Variants in LRRTM4 observed in about 807,000 individuals in gnomAD.
LRRTM4 encodes leucine-rich repeat transmembrane neuronal protein 4.
A neutral mutation model predicts 47.6 loss-of-function variants in LRRTM4; 25 were observed. That is an observed-to-expected ratio of 0.53 (90% CI 0.38 to 0.73). The LOEUF (loss-of-function observed/expected upper bound fraction) is 0.73, where lower values mean the gene tolerates loss of function less well. Ranked by LOEUF, LRRTM4 falls within the 30% of genes least tolerant of loss-of-function variation. LRRTM4 has a pLI of 0.00. For missense variants in LRRTM4, 638 were observed against 713.4 expected (o/e 0.89, Z 1.20); for synonymous variants, 311 against 269.5 (o/e 1.15, Z -1.51).
At chr2:76,810,628 C>A (rs1206978560) in intron 3 of LRRTM4, among the ~76,000 whole-genome samples, 1 of 152,152 alleles carries the variant, frequency 6.6e-6, no homozygotes, top group Non-Finnish European at 1.5e-5. Context: ...GTCTTAAAAT[C>A]TATAGAAATT....
chr2:77,309,528 T>G (rs955776308), intron 3 of LRRTM4, among the ~76,000 whole-genome samples: 1 of 152,096 alleles, frequency 6.6e-6, no homozygotes, highest in African/African-American at 2.4e-5. Flanking sequence ...CCAAGACCCT[T>G]TGGCTGAGAA....
chr2:76,989,799 CTTCT>C (rs900570233), intron 3 of LRRTM4: 4 of 151,756 alleles, frequency 2.6e-5, no homozygotes, highest in African/African-American at 9.7e-5. Context: ...TGTTTCTAAA[CTTCT>C]TTTTTTCCAT....
chr2:77,467,031 A>G (rs1221679432), intron 3 of LRRTM4, among the ~76,000 whole-genome samples: 3 of 152,170 alleles, frequency 2.0e-5, no homozygotes, highest in South Asian at 4.1e-4. Context: ...TCTGTTTGAT[A>G]AACTCAGTAT....
chr2:77,294,214 G>A (rs1676907934), intron 3 of LRRTM4, among the ~76,000 whole-genome samples: 1 of 151,874 alleles, frequency 6.6e-6, no homozygotes, highest in Admixed American at 6.6e-5. Flanking sequence ...CAGTATATTT[G>A]GAATAATATA....
chr2:76,793,868 CAA>C (rs1675112713), intron 3 of LRRTM4, among the ~76,000 whole-genome samples: 1 of 152,144 alleles, frequency 6.6e-6, no homozygotes, highest in Non-Finnish European at 1.5e-5. Flanking sequence ...GTCACAAATA[CAA>C]TTCGTATGAT....
chr2:77,477,460 T>A (rs1164601836), intron 3 of LRRTM4, among the ~76,000 whole-genome samples: 2 of 152,172 alleles, frequency 1.3e-5, no homozygotes, highest in Non-Finnish European at 2.9e-5. Context: ...ATGTTCCATT[T>A]ATCTTCCTTT....
rs546784891 is a variant in LRRTM4, at chr2:77,336,164, A to G, written c.1551+182154T>C. Among the ~76,000 whole-genome samples the G allele has an allele frequency of 3.2e-3, 482 of 148,706 alleles. 4 individuals are homozygous for G. The highest frequency in any genetic ancestry group is 0.012 in the African/African-American group (465 of 40,356). On this transcript the variant is annotated intron_variant, in intron 3 of 3. Coordinates refer to ENST00000409884, the MANE Select transcript of LRRTM4 (RefSeq NM_001134745.3). ...ACAAAGAAGGAAGGAAGGGAGAAAGAAAGGAAGGAAGGAAGGAAGAAAGGA... is the reference window on the plus strand; with the variant it reads ...ACAAAGAAGGAAGGAAGGGAGAAAGGAAGGAAGGAAGGAAGGAAGAAAGGA...
In LRRTM4 at chr2:77,295,477, G is replaced by A. The variant is rs561042462; in HGVS notation, c.1551+222841C>T. ...AGTCCACGCAAATTCCTCTCCCAAG[G>A]AAGATATTGGAAAATTGCTATATTT... On this transcript the variant is annotated intron_variant, in intron 3 of 3. Transcript: ENST00000409884. Among the ~76,000 whole-genome samples the A allele has an allele frequency of 4.6e-5, 7 of 152,238 alleles. No individual in the cohort carries two copies. The South Asian group carries it at 1.5e-3, about 32-fold the overall frequency.
intron 3 of LRRTM4, among the ~76,000 whole-genome samples, chr2:76,878,538 G>T (rs1573246386): frequency 1.3e-5 from 2 of 152,002 alleles, no homozygotes; most frequent in Middle Eastern, 6.8e-3. Flanking sequence ...AAGAAAGTTA[G>T]AAGTCTAGTC....
chr2:76,977,479 G>C (rs1262246950), intron 3 of LRRTM4, among the ~76,000 whole-genome samples: 1 of 151,754 alleles, frequency 6.6e-6, no homozygotes, highest in Non-Finnish European at 1.5e-5. Context: ...TTCTCAATAT[G>C]AAACTAAAAT....
chr2:77,325,757 A>G (rs1670746463), intron 3 of LRRTM4, among the ~76,000 whole-genome samples: 1 of 152,176 alleles, frequency 6.6e-6, no homozygotes, highest in African/African-American at 2.4e-5. Context: ...AAGATGTGTG[A>G]AAGCTTTTTT....
At chr2:77,431,784 T>C (rs753375249) in intron 3 of LRRTM4, among the ~76,000 whole-genome samples, 2 of 148,796 alleles carry the variant, frequency 1.3e-5, no homozygotes, top group Non-Finnish European at 2.9e-5. Context: ...ACTAAGAAAT[T>C]GGTAATTGGG....
intron 3 of LRRTM4, among the ~76,000 whole-genome samples, chr2:77,415,943 A>G (rs1307518281): frequency 6.6e-6 from 1 of 152,126 alleles, no homozygotes; most frequent in Non-Finnish European, 1.5e-5. Flanking sequence ...AAATCCAAAC[A>G]TGATGGATTT....
chr2:77,091,087 A>G lies in LRRTM4; in HGVS notation c.1552-342171T>C, dbSNP rs551295151. On this transcript the variant is annotated intron_variant, in intron 3 of 3. Transcript: ENST00000409884. Reference sequence around the variant, plus strand: ...GTGCCAGCTGAGACAATACTCTTATAAGCACTCCTTTTTAGTTATCCCCAC... The same window carrying G: ...GTGCCAGCTGAGACAATACTCTTATGAGCACTCCTTTTTAGTTATCCCCAC... 1.3e-4 allele frequency among the ~76,000 whole-genome samples: 20 copies of G among 152,090 alleles called. No homozygotes were observed. In the East Asian group the frequency reaches 3.7e-3, roughly 28 times the overall value.
intron 3 of LRRTM4, among the ~76,000 whole-genome samples, chr2:76,794,256 CAGAAG>C (rs1356658588): frequency 6.6e-6 from 1 of 152,108 alleles, no homozygotes; most frequent in Non-Finnish European, 1.5e-5. Context: ...TTCTTATACT[CAGAAG>C]AGAGAAGGAG....
chr2:77,086,275 G>C (rs796154125), intron 3 of LRRTM4, among the ~76,000 whole-genome samples: 10 of 152,210 alleles, frequency 6.6e-5, no homozygotes, highest in African/African-American at 2.4e-4. Flanking sequence ...ATCACAACTG[G>C]TTCAGGTCTA....
chr2:77,078,653 C>G (rs1323069783), intron 3 of LRRTM4, among the ~76,000 whole-genome samples: 1 of 152,160 alleles, frequency 6.6e-6, no homozygotes, highest in East Asian at 1.9e-4. Context: ...TGACAAAAAT[C>G]TGTCATCATC....
intron 3 of LRRTM4, among the ~76,000 whole-genome samples, chr2:77,397,666 T>C (rs1385057724): frequency 1.3e-5 from 2 of 151,896 alleles, no homozygotes; most frequent in Admixed American, 6.6e-5. Flanking sequence ...ATAGCTATTA[T>C]CTCCATTATT....
At position 77,519,322 on chromosome 2, in the gene LRRTM4, G is replaced by T; in HGVS notation, c.547C>A (p.Leu183Ile). Residue 183 changes from leucine (L) to isoleucine (I), a missense_variant, in exon 3 of 4, where the codon CTT (leucine) becomes ATT (isoleucine). Physicochemically the swap from Leu to Ile is conservative, Grantham distance 5. Transcript: ENST00000409884. The surrounding 1 kb of genome is among the most constrained non-coding windows in gnomAD (Gnocchi z 4.6). ...TTGTAACCCAAATCCAAAAAATCAA[G>T]ATTCCGACAGTCTTGAAAAACTCTT... ...PIRVFQDCRNLDFLDLGYNRL... is the reference protein window; with the variant it reads ...PIRVFQDCRNIDFLDLGYNRL... 6.2e-7 allele frequency: 1 copy of T among 1,613,492 alleles called. No homozygotes were observed. The highest frequency in any genetic ancestry group is 1.3e-5 in the African/African-American group (1 of 75,014).
Sources: allele counts gnomAD v4.1 joint callset (sites outside exome capture counted in the v4.1 genomes callset), GRCh38; gene constraint gnomAD v4.1.1; non-coding constraint Gnocchi (gnomAD v3.1); transcripts MANE v1.5; gene names NCBI Gene and HGNC (gene_info 2026-07-23, HGNC 2026-07-21).